APC: variants seen among roughly 807,000 people sequenced by gnomAD.
APC encodes the protein adenomatous polyposis coli protein.
APC carries 72 observed loss-of-function variants against 247.0 expected under a neutral mutation model. The observed-to-expected ratio is 0.29, with a 90% CI of 0.24 to 0.35. The LOEUF is 0.35. APC is among the 10% of genes least tolerant of loss of function. The pLI, the probability that APC is intolerant of heterozygous loss-of-function variation, is 1.00. For synonymous variants in APC, 1,254 were observed against 1,162.5 expected (o/e 1.08, Z -1.60); for missense variants, 3,400 against 3,360.7 (o/e 1.01, Z -0.29).
At position 112,821,894 on chromosome 5, in the gene APC, AGTGCCAGCTCCT is replaced by A; in HGVS notation, c.1314_1325del (p.Met438_Val442delinsIle). On this transcript the variant is annotated splice_acceptor_variant and coding_sequence_variant, in exon 11 of 16. Coordinates refer to ENST00000257430, the MANE Select transcript of APC (RefSeq NM_000038.6). LOFTEE classifies it high-confidence loss of function. ...ATGGTTTATGTTGATTTTATTTTTC[AGTGCCAGCTCCT>A]GTTGAACATCAGATCTGTCCTGCTG... 6.2e-7 allele frequency: 1 copy of A among 1,610,440 alleles called. No individual in the cohort carries two copies. Among genetic ancestry groups the A allele is most frequent in the Non-Finnish European group, 8.5e-7 (1 of 1,177,202 alleles).
Position 112,840,153 on chromosome 5 carries a change from T to A in APC, c.4559T>A (p.Val1520Glu), listed in dbSNP as rs2149917552. The A allele has an allele frequency of 6.2e-7, 1 of 1,614,080 alleles. No individual in the cohort carries two copies. The highest frequency in any genetic ancestry group is 8.5e-7 in the Non-Finnish European group (1 of 1,179,992). ...GATGAGCCATTTATACAGAAAGATGTGGAATTAAGAATAATGCCTCCAGTT... is the reference window on the plus strand; with the variant it reads ...GATGAGCCATTTATACAGAAAGATGAGGAATTAAGAATAATGCCTCCAGTT... ...SLDEPFIQKD[V>E]ELRIMPPVQE... Residue 1520 changes from valine (V) to glutamate (E), a missense_variant, in exon 16 of 16, where the codon GTG becomes GAG. Val to Glu is a moderately radical substitution (Grantham distance 121). This residue lies in a region of APC where 1,788 missense variants were observed against 1,649.5 expected (regional missense o/e 1.08). Transcript: ENST00000257430. This position sits in a 1 kb window ranked among gnomAD's most constrained non-coding sequence, Gnocchi z 4.1.
At chr5:112,814,839 C>G (rs1762332461) in intron 8 of APC, among the ~76,000 whole-genome samples, 2 of 152,222 alleles carry the variant, frequency 1.3e-5, no homozygotes, top group African/African-American at 2.4e-5. Flanking sequence ...ACTCCACGCT[C>G]TCCGTATTTG....
In APC at chr5:112,841,411, C is replaced by T. The variant is rs1580664287; in HGVS notation, c.5817C>T (p.Asp1939=). 1 of 1,613,944 alleles carries T rather than the reference C, an allele frequency of 6.2e-7. No individual in the cohort carries two copies. Among genetic ancestry groups the T allele is most frequent in the Non-Finnish European group, 8.5e-7 (1 of 1,179,834 alleles). Residue 1939 remains aspartate (D), a synonymous_variant, in exon 16 of 16, where the codon GAC becomes GAT. Transcript: ENST00000257430. The surrounding 1 kb of genome is among the most constrained non-coding windows in gnomAD (Gnocchi z 4.6). ...CCACTTTTCCCCAGTCATCCAAAGA[C>T]ATACCAGACAGAGGGGCAGCAACTG... The part of the protein sequence containing the change: ...KQSTFPQSSK[D]IPDRGAATDE...
chr5:112,839,610 G>A lies in APC; in HGVS notation c.4016G>A (p.Gly1339Asp), dbSNP rs781621926. ...AGAACCAAATCCAGCAGACTGCAGG[G>A]TTCTAGTTTATCTTCAGAATCAGCC... Reference protein sequence around the residue: ...HPRTKSSRLQGSSLSSESARH... With the variant: ...HPRTKSSRLQDSSLSSESARH... The change falls in exon 16 of 16, where the codon GGT becomes GAT. Residue 1339 changes from glycine to aspartate, a missense_variant. Around this residue, in one of 9 missense-constraint regions of APC, gnomAD observed 715 missense variants for 656.6 expected, o/e 1.09. Coordinates refer to ENST00000257430, the MANE Select transcript of APC (RefSeq NM_000038.6). The surrounding 1 kb of genome is among the most constrained non-coding windows in gnomAD (Gnocchi z 5.0). 5 of 1,614,008 alleles carry A rather than the reference G, an allele frequency of 3.1e-6. No homozygotes were observed. The African/African-American group carries it at 4.0e-5, about 13-fold the overall frequency.
chr5:112,710,063 C>A (rs1338528458), intron 1 of APC, among the ~76,000 whole-genome samples: 3 of 152,174 alleles, frequency 2.0e-5, no homozygotes, highest in African/African-American at 7.2e-5. Flanking sequence ...ACCAGGATCC[C>A]ATGATCATCA....
chr5:112,828,964 G>A lies in APC; in HGVS notation c.1735G>A (p.Val579Ile), dbSNP rs2149818472. The A allele has an allele frequency of 1.2e-6, 2 of 1,609,000 alleles. No homozygotes were observed. Among genetic ancestry groups the A allele is most frequent in the South Asian group, 2.2e-5 (2 of 90,970 alleles). ...AGCATTGATGGAATGTGCTTTAGAA[G>A]TTAAAAAGGTACCTTTGAAAACATT... Reference protein sequence around the residue: ...VKALMECALEVKKESTLKSVL... With the variant: ...VKALMECALEIKKESTLKSVL... Residue 579 changes from valine (V) to isoleucine (I), a missense_variant, in exon 14 of 16, where the codon GTT becomes ATT. Val to Ile is a conservative substitution (Grantham distance 29, BLOSUM62 3). Transcript: ENST00000257430.
intron 1 of APC, among the ~76,000 whole-genome samples, chr5:112,717,950 C>T (rs1415778973): frequency 5.0e-5 from 1 of 20,072 alleles, no homozygotes; most frequent in South Asian, 2.3e-3. Context: ...TTCTTTTTGA[C>T]CTCAAGGCAT....
chr5:112,746,053 T>C (rs1027086377), intron 1 of APC, among the ~76,000 whole-genome samples: 1 of 152,034 alleles, frequency 6.6e-6, no homozygotes, highest in Non-Finnish European at 1.5e-5. Context: ...AAACAGAACA[T>C]CAGTGAGAAA....
In APC at chr5:112,819,186, C is replaced by T. The variant is rs730881232; in HGVS notation, c.1154C>T (p.Ala385Val). 1 of 1,613,952 alleles carries T rather than the reference C, an allele frequency of 6.2e-7. No individual in the cohort carries two copies. The highest frequency in any genetic ancestry group is 8.5e-7 in the Non-Finnish European group (1 of 1,179,968). Residue 385 changes from alanine to valine, a missense_variant, in exon 10 of 16, where the codon GCA becomes GTA. Ala to Val is a moderately conservative substitution (Grantham distance 64). This residue lies in a region of APC where 199 missense variants were observed against 212.5 expected (regional missense o/e 0.94). Transcript: ENST00000257430. ...GSKEARARASAALHNIIHSQP... is the reference protein window; with the variant it reads ...GSKEARARASVALHNIIHSQP... ...AAAGAGGCTCGGGCCAGGGCCAGTGCAGCACTCCACAACATCATTCACTCA... is the reference window on the plus strand; with the variant it reads ...AAAGAGGCTCGGGCCAGGGCCAGTGTAGCACTCCACAACATCATTCACTCA...
At position 112,839,341 on chromosome 5, in the gene APC, C is replaced by G. The variant is rs2149898263; in HGVS notation, c.3747C>G (p.Cys1249Trp). The G allele has an allele frequency of 6.2e-7, 1 of 1,613,070 alleles. No individual in the cohort carries two copies. Among genetic ancestry groups the G allele is most frequent in the Non-Finnish European group, 8.5e-7 (1 of 1,179,526 alleles). Residue 1249 changes from cysteine to tryptophan, a missense_variant, in exon 16 of 16, where the codon TGC (cysteine) becomes TGG (tryptophan). Physicochemically the swap from Cys to Trp is radical, Grantham distance 215 (BLOSUM62 -2). Coordinates refer to ENST00000257430, the MANE Select transcript of APC (RefSeq NM_000038.6). The surrounding 1 kb of genome is among the most constrained non-coding windows in gnomAD (Gnocchi z 5.0). ...RSGQPQKAAT[C>W]KVSSINQETI... is the part of the protein sequence containing the mutation. ...GTCAGCCTCAAAAGGCTGCCACTTGCAAAGTTTCTTCTATTAACCAAGAAA... is the reference window on the plus strand; with the variant it reads ...GTCAGCCTCAAAAGGCTGCCACTTGGAAAGTTTCTTCTATTAACCAAGAAA...
chr5:112,754,806 T>A, intron 1 of APC, 67 bp from the exon 2 acceptor site: 1 of 1,503,178 alleles, frequency 6.7e-7, no homozygotes, highest in Non-Finnish European at 9.2e-7. Context: ...CTTTACCCCT[T>A]TCTTTAAAAA....
Position 112,801,347 on chromosome 5 carries a change from G to A in APC, c.798G>A (p.Val266=), listed in dbSNP as rs778689157. The A allele has an allele frequency of 2.5e-6, 4 of 1,612,406 alleles. No individual in the cohort carries two copies. The highest frequency in any genetic ancestry group is 2.2e-5 in the East Asian group (1 of 44,814). The change falls in exon 8 of 16, where the codon GTG becomes GTA. Residue 266 remains valine, a synonymous_variant. Coordinates refer to ENST00000257430, the MANE Select transcript of APC (RefSeq NM_000038.6). The part of the protein sequence containing the change: ...DAERQNEGQG[V]GEINMATSGN... Reference sequence around the variant, plus strand: ...AGCGGCAGAATGAAGGTCAAGGAGTGGGAGAAATCAACATGGCAACTTCTG... The same window carrying A: ...AGCGGCAGAATGAAGGTCAAGGAGTAGGAGAAATCAACATGGCAACTTCTG...
intron 9 of APC, among the ~76,000 whole-genome samples, chr5:112,818,133 C>T (rs919719886): frequency 1.3e-5 from 2 of 152,154 alleles, no homozygotes; most frequent in Non-Finnish European, 2.9e-5. Flanking sequence ...AAATGTGTCC[C>T]GATGGGGGCA....
intron 1 of APC, among the ~76,000 whole-genome samples, chr5:112,749,479 A>ATTTCTTTTTTTTTTT (rs1554066140): frequency 9.6e-6 from 1 of 104,066 alleles, no homozygotes; most frequent in African/African-American, 3.6e-5. Flanking sequence ...TACTGCTCCA[A>ATTTCTTTTTTTTTTT]TTTTTTTTTT....
chr5:112,755,374 G>A (rs1484949797), intron 2 of APC, among the ~76,000 whole-genome samples: 1 of 152,162 alleles, frequency 6.6e-6, no homozygotes, highest in Non-Finnish European at 1.5e-5. Context: ...TGAATATTAA[G>A]TGTAGCCTTC....
chr5:112,754,798 T>TTA, intron 1 of APC, 75 bp from the exon 2 acceptor site: 1 of 1,412,766 alleles, frequency 7.1e-7, no homozygotes, highest in Non-Finnish European at 9.9e-7. Flanking sequence ...TTTGTTTCCT[T>TTA]TACCCCTTTC....
rs372725652 is a variant in APC, at chr5:112,837,748, T to A, written c.2154T>A (p.Ile718=). Residue 718 remains isoleucine (I), a synonymous_variant, in exon 16 of 16, where the codon ATT becomes ATA. Coordinates refer to ENST00000257430, the MANE Select transcript of APC (RefSeq NM_000038.6). ...KNLIHSKHKM[I]AMGSAAALRN... Reference sequence around the variant, plus strand: ...TCATTCATTCAAAGCACAAAATGATTGCTATGGGAAGTGCTGCAGCTTTAA... The same window carrying A: ...TCATTCATTCAAAGCACAAAATGATAGCTATGGGAAGTGCTGCAGCTTTAA... The A allele has an allele frequency of 6.2e-7, 1 of 1,614,142 alleles. No homozygotes were observed. The highest frequency in any genetic ancestry group is 8.5e-7 in the Non-Finnish European group (1 of 1,180,036).
chr5:112,777,257 G>A (rs1757755504), intron 5 of APC, among the ~76,000 whole-genome samples: 1 of 151,862 alleles, frequency 6.6e-6, no homozygotes, highest in East Asian at 1.9e-4. Context: ...ATTTACGTGT[G>A]CATTTTCTTT....
chr5:112,734,716 A>T (rs973349313), upstream of APC, among the ~76,000 whole-genome samples: 16 of 152,036 alleles, frequency 1.1e-4, no homozygotes, highest in Non-Finnish European at 2.4e-4. Context: ...CAGTTTTTTA[A>T]ACCAAAAGTC....
Sources: allele counts gnomAD v4.1 joint callset (sites outside exome capture counted in the v4.1 genomes callset), GRCh38; gene constraint gnomAD v4.1.1; regional missense constraint gnomAD v4.1.1; non-coding constraint Gnocchi (gnomAD v3.1); transcripts MANE v1.5; gene names NCBI Gene and HGNC (gene_info 2026-07-23, HGNC 2026-07-21).